The following ATG2B variants were observed in gnomAD, a reference collection of about 807,000 sequenced individuals.
The protein encoded by ATG2B is autophagy related 2B.
In ATG2B, 121 loss-of-function variants were observed where a neutral mutation model predicts 241.3. The ratio of observed to expected loss-of-function variants is 0.50; its 90% CI spans 0.43 to 0.58. The LOEUF (loss-of-function observed/expected upper bound fraction) is 0.58. ATG2B is among the 20% of genes least tolerant of loss of function. The probability of loss-of-function intolerance (pLI) is 0.00; values close to 1 mark genes in which losing one functional copy is unlikely to be tolerated. For synonymous variants in ATG2B, 858 were observed against 876.6 expected, an observed-to-expected ratio of 0.98 and a Z score of 0.37; for missense variants, 2,306 against 2,491.6, an observed-to-expected ratio of 0.93 and a Z score of 1.59.
In ATG2B at chr14:96,289,472, A is replaced by G. The variant is rs75597833; in HGVS notation, c.6006+184T>C. On this transcript the variant is annotated intron_variant, in intron 41 of 41. Coordinates refer to ENST00000359933, the MANE Select transcript of ATG2B (RefSeq NM_018036.7). The surrounding 1 kb of genome is among the most constrained non-coding windows in gnomAD (Gnocchi z 4.3). ...CAATCACTAGTATTCCTGTCAGCCT[A>G]TTGGTCCCAGACTGGCCCTTTTCCA... 5,348 of 631,832 alleles carry G rather than the reference A, an allele frequency of 8.5e-3. 215 individuals are homozygous for G. The African/African-American group carries it at 0.087, about 10-fold the overall frequency. The allele number at this position is 631,832 out of a possible 1,614,324, so 39.1% of individuals were successfully genotyped here.
chr14:96,305,171 C>G (rs934416623), intron 31 of ATG2B, among the ~76,000 whole-genome samples: 133 of 152,312 alleles, frequency 8.7e-4, no homozygotes, highest in African/African-American at 3.0e-3. Flanking sequence ...GTCTCACAGG[C>G]GCTCAATGAC....
chr14:96,362,885 C>A lies in ATG2B; in HGVS notation c.92G>T (p.Ser31Ile). The change falls in exon 1 of 42, where the codon AGC (serine) becomes ATC (isoleucine). Residue 31 changes from serine (S) to isoleucine (I), a missense_variant. Transcript: ENST00000359933. ...YLGHFLQEKL[S>I]LEQLSLDLYQ... is the part of the protein sequence containing the mutation. ...CAGGTCCAGGCTGAGCTGCTCCAGG[C>A]TCAGCTTCTCCTGCAGAAAGTGGCC... The A allele has an allele frequency of 6.2e-7, 1 of 1,613,586 alleles. No homozygotes were observed. Among genetic ancestry groups the A allele is most frequent in the Non-Finnish European group, 8.5e-7 (1 of 1,179,998 alleles).
chr14:96,343,244 C>G lies in ATG2B; in HGVS notation c.619G>C (p.Gly207Arg), dbSNP rs1888090580. ...GCAGTGGGTTGATGCACATTAATTC[C>G]TGAGGATTCGTCAGCAGTTTCATCA... ...YCDETADESS[G>R]INVHQPTAFA... is the part of the protein sequence containing the mutation. The change falls in exon 5 of 42, where the codon GGA becomes CGA. Residue 207 changes from glycine to arginine, a missense_variant. Gly to Arg is a moderately radical substitution (Grantham distance 125). This residue lies in a region of ATG2B where 1,927 missense variants were observed against 2,011.2 expected (regional missense o/e 0.96). Coordinates refer to ENST00000359933, the MANE Select transcript of ATG2B (RefSeq NM_018036.7). The G allele has an allele frequency of 6.2e-7, 1 of 1,608,500 alleles. No homozygotes were observed. Among genetic ancestry groups the G allele is most frequent in the African/African-American group, 1.3e-5 (1 of 74,696 alleles).
chr14:96,317,583 G>T, intron 19 of ATG2B, 115 bp downstream of exon 19: 1 of 923,448 alleles, frequency 1.1e-6, no homozygotes, highest in Non-Finnish European at 1.6e-6. Flanking sequence ...AAAAGAAATT[G>T]CAAAATATAG....
chr14:96,317,595 T>TA (rs1343038937), intron 19 of ATG2B, 103 bp downstream of exon 19: 11 of 1,051,610 alleles, frequency 1.0e-5, no homozygotes, highest in African/African-American at 3.2e-5. Flanking sequence ...AAAATATAGT[T>TA]ACAATGAAAC....
chr14:96,349,346 T>A (rs1027289363), intron 1 of ATG2B, among the ~76,000 whole-genome samples: 1 of 152,232 alleles, frequency 6.6e-6, no homozygotes, highest in Non-Finnish European at 1.5e-5. Context: ...AAGAGCCTTG[T>A]AATGCATGTT....
chr14:96,353,518 C>T (rs562135071), intron 1 of ATG2B, among the ~76,000 whole-genome samples: 154 of 151,892 alleles, frequency 1.0e-3, no homozygotes, highest in African/African-American at 3.6e-3. Context: ...CTCAGCTACT[C>T]GGGAGGCTGA....
rs542369753 is a variant in ATG2B at position 96,334,408 on chromosome 14, G to A, written c.1018C>T (p.Pro340Ser). 2 of 1,597,830 alleles carry A rather than the reference G, an allele frequency of 1.3e-6. No individual in the cohort carries two copies. The highest frequency in any genetic ancestry group is 1.7e-6 in the Non-Finnish European group (2 of 1,172,816). ...LLDMLAAIAG[P>S]ENSSKIGLAN... ...ATAATAACAGAATTATACTTGCCTGGTCCAGCAATAGCTGCCAACATATCC... is the reference window on the plus strand; with the variant it reads ...ATAATAACAGAATTATACTTGCCTGATCCAGCAATAGCTGCCAACATATCC... The change falls in exon 7 of 42, where the codon CCA (proline) becomes TCA (serine). Residue 340 changes from proline to serine, a missense_variant. Pro to Ser is a moderately conservative substitution (Grantham distance 74, BLOSUM62 -1). Transcript: ENST00000359933.
chr14:96,312,231 G>T, intron 25 of ATG2B, 72 bp from the exon 26 acceptor site: 1 of 973,320 alleles, frequency 1.0e-6, no homozygotes, highest in Non-Finnish European at 1.6e-6. Context: ...ATCACTATAT[G>T]CTTAATTGCA....
intron 6 of ATG2B, among the ~76,000 whole-genome samples, chr14:96,340,582 A>C (rs904655431): frequency 2.6e-5 from 4 of 152,132 alleles, no homozygotes; most frequent in Non-Finnish European, 4.4e-5. Flanking sequence ...GGGAAAAAGA[A>C]TATAAATATA....
chr14:96,332,530 G>T lies in ATG2B; in HGVS notation c.1333C>A (p.Pro445Thr). The change falls in exon 9 of 42, where the codon CCA (proline) becomes ACA (threonine). Residue 445 changes from proline to threonine, a missense_variant. Pro to Thr is a conservative substitution (Grantham distance 38). Transcript: ENST00000359933. ...LSLTSTYTNT[P>T]AGSPLSATVL... is the part of the protein sequence containing the mutation. ...GTAGCACTTAATGGAGATCCTGCTG[G>T]GGTATTTGTATATGTACTAGTTAAT... 6.2e-7 allele frequency: 1 copy of T among 1,610,406 alleles called. No individual in the cohort carries two copies. Among genetic ancestry groups the T allele is most frequent in the Non-Finnish European group, 8.5e-7 (1 of 1,178,712 alleles).
At chr14:96,316,209 T>TGGG (rs1352008325) in intron 21 of ATG2B, among the ~76,000 whole-genome samples, 1 of 152,180 alleles carries the variant, frequency 6.6e-6, no homozygotes, top group African/African-American at 2.4e-5. Context: ...ATCACTAAAG[T>TGGG]GTATGAAATT....
Position 96,285,279 on chromosome 14 carries a change from A to G in ATG2B, c.*476T>C. On this transcript the variant is annotated 3_prime_UTR_variant, in exon 42 of 42. Transcript: ENST00000359933. The surrounding 1 kb of genome is among the most constrained non-coding windows in gnomAD (Gnocchi z 4.2). ...GCATGAACACTAAATTCAACAGAAT[A>G]GGTTATTTTTCCACACTGATATTTA... 6.3e-6 allele frequency: 1 copy of G among 158,566 alleles called. No homozygotes were observed. The highest frequency in any genetic ancestry group is 1.8e-4 in the East Asian group (1 of 5,512). 9.8% of individuals were successfully genotyped at this position (158,566 alleles called of 1,614,324 possible). A position where few individuals can be genotyped will look rare whatever the true frequency, so the allele number is the denominator to read the frequency against.
intron 36 of ATG2B, 150 bp downstream of exon 36, chr14:96,294,810 G>T: frequency 1.5e-6 from 1 of 678,006 alleles, no homozygotes. Flanking sequence ...CAATTAGATG[G>T]GGACCACAAA....
chr14:96,362,211 T>G (rs1307466297), intron 1 of ATG2B, among the ~76,000 whole-genome samples: 1 of 152,100 alleles, frequency 6.6e-6, no homozygotes, highest in Non-Finnish European at 1.5e-5. Context: ...TCAACAGCAC[T>G]ACTAGGGCCA....
intron 34 of ATG2B, among the ~76,000 whole-genome samples, chr14:96,296,099 G>A (rs1218852273): frequency 6.6e-6 from 1 of 152,140 alleles, no homozygotes; most frequent in East Asian, 1.9e-4. Context: ...GACTACAGGC[G>A]CCCGCCACCA....
chr14:96,356,051 GT>G (rs1888464727), intron 1 of ATG2B, among the ~76,000 whole-genome samples: 1 of 151,802 alleles, frequency 6.6e-6, no homozygotes, highest in Admixed American at 6.6e-5. Flanking sequence ...GGAGCCTGTA[GT>G]CCCAGCTACT....
At chr14:96,360,150 C>T (rs2064233432) in intron 1 of ATG2B, among the ~76,000 whole-genome samples, 2 of 152,166 alleles carry the variant, frequency 1.3e-5, no homozygotes, top group African/African-American at 4.8e-5. Context: ...TCTCCTATGG[C>T]CAAGTGTTTA....
At chr14:96,362,147 C>A (rs1011615806) in intron 1 of ATG2B, among the ~76,000 whole-genome samples, 4 of 152,096 alleles carry the variant, frequency 2.6e-5, no homozygotes, top group African/African-American at 4.8e-5. Flanking sequence ...GCAACTTCAG[C>A]GCTTTTGCAA....
Sources: allele counts gnomAD v4.1 joint callset (sites outside exome capture counted in the v4.1 genomes callset), GRCh38; gene constraint gnomAD v4.1.1; regional missense constraint gnomAD v4.1.1; non-coding constraint Gnocchi (gnomAD v3.1); transcripts MANE v1.5; gene names NCBI Gene and HGNC (gene_info 2026-07-23, HGNC 2026-07-21).